Variants in DST observed in about 807,000 individuals in gnomAD.
The protein encoded by DST is dystonin.
In DST, 253 loss-of-function variants were observed where a neutral mutation model predicts 875.2. The observed-to-expected ratio is 0.29, with a 90% CI of 0.26 to 0.32. DST has a LOEUF of 0.32. Ranked by LOEUF, DST falls within the 10% of genes least tolerant of loss-of-function variation. The probability of loss-of-function intolerance (pLI) is 1.00; values close to 1 mark genes in which losing one functional copy is unlikely to be tolerated. For missense variants in DST, 8,287 were observed against 9,111.6 expected, an observed-to-expected ratio of 0.91 and a Z score of 3.68; for synonymous variants, 3,124 against 3,197.1, an observed-to-expected ratio of 0.98 and a Z score of 0.77.
chr6:56,821,234 A>G (rs574422826), intron 4 of DST, among the ~76,000 whole-genome samples: 1 of 152,332 alleles, frequency 6.6e-6, no homozygotes, highest in African/African-American at 2.4e-5. Flanking sequence ...CCAATTACTC[A>G]CTGCATGTCT....
chr6:56,846,537 C>G (rs147094153), intron 4 of DST, among the ~76,000 whole-genome samples: 1 of 152,208 alleles, frequency 6.6e-6, no homozygotes, highest in Admixed American at 6.5e-5. Flanking sequence ...AACAGCAGAT[C>G]TGTATTGCTC....
At chr6:56,842,951 CTGT>C in intron 4 of DST, 1 of 1,111,222 alleles carries the variant, frequency 9.0e-7, no homozygotes, top group Non-Finnish European at 1.2e-6. Flanking sequence ...GTCCAGACAC[CTGT>C]TTACTCGTGC....
chr6:56,805,767 A>G (rs4371846), intron 4 of DST, among the ~76,000 whole-genome samples: 25,347 of 152,206 alleles, frequency 0.17, 2,357 homozygotes, highest in Non-Finnish European at 0.19. Context: ...TGGGATACAC[A>G]CTTTGCCCAG....
intron 18 of DST, 39 bp from the exon 19 acceptor site, chr6:56,640,096 A>G (rs370049163): frequency 4.3e-6 from 7 of 1,613,802 alleles, no homozygotes; most frequent in South Asian, 1.1e-5. Flanking sequence ...AAAGAAATTG[A>G]TAACAATAAA....
intron 58 of DST, among the ~76,000 whole-genome samples, chr6:56,559,459 C>T (rs989044600): frequency 6.6e-6 from 1 of 152,066 alleles, no homozygotes; most frequent in Non-Finnish European, 1.5e-5. Flanking sequence ...CTACATTTAT[C>T]ATAGCATACC....
At position 56,716,902 on chromosome 6, in the gene DST, C is replaced by T. The variant is rs150881933; in HGVS notation, c.688-12533G>A. Among the ~76,000 whole-genome samples, 49 of 152,278 alleles carry T rather than the reference C, an allele frequency of 3.2e-4. 1 individual carries two copies. In the East Asian group the frequency reaches 9.5e-3, roughly 29 times the overall value. ...ATTCTTATAACAAGCATGCAACCGA[C>T]CGGGTGCGGTGGCTCACGCCTGTAA... On this transcript the variant is annotated intron_variant, in intron 5 of 103. Transcript: ENST00000680361.
Position 56,557,462 on chromosome 6 carries a change from C to G in DST, c.14497G>C (p.Glu4833Gln). 1 of 1,613,566 alleles carries G rather than the reference C, an allele frequency of 6.2e-7. No individual in the cohort carries two copies. The highest frequency in any genetic ancestry group is 8.5e-7 in the Non-Finnish European group (1 of 1,179,650). The change falls in exon 59 of 104, where the codon GAA (glutamate) becomes CAA (glutamine). Residue 4833 changes from glutamate (E) to glutamine (Q), a missense_variant. By Grantham distance (29) the Glu-to-Gln change is conservative. Around this residue, in one of 10 missense-constraint regions of DST, gnomAD observed 1,513 missense variants for 1,677.8 expected, o/e 0.90. Transcript: ENST00000680361. ...LTIDRQQKLEESSNNLTQFQT... is the reference protein window; with the variant it reads ...LTIDRQQKLEQSSNNLTQFQT... ...AACTGGGTTAGATTATTGGAGGATT[C>G]TTCCAGTTTTTGTTGTCTATCAATT...
At chr6:56,806,079 A>G (rs2099752623) in intron 4 of DST, among the ~76,000 whole-genome samples, 1 of 152,226 alleles carries the variant, frequency 6.6e-6, no homozygotes, top group African/African-American at 2.4e-5. Flanking sequence ...CTGAATTCAT[A>G]AGACTGAGAA....
intron 90 of DST, among the ~76,000 whole-genome samples, chr6:56,478,322 T>C (rs746538288): frequency 1.3e-5 from 2 of 152,074 alleles, no homozygotes; most frequent in Non-Finnish European, 2.9e-5. Context: ...AAAGTGTCTA[T>C]GCAGTAAAAA....
intron 4 of DST, chr6:56,842,940 G>T: frequency 9.8e-7 from 1 of 1,017,524 alleles, no homozygotes; most frequent in Non-Finnish European, 1.3e-6. Flanking sequence ...TCCCAAGACT[G>T]GTCCAGACAC....
chr6:56,921,783 C>T (rs926499114), intron 2 of DST, among the ~76,000 whole-genome samples: 5 of 151,952 alleles, frequency 3.3e-5, no homozygotes, highest in Admixed American at 1.3e-4. Context: ...GTGAAGACTA[C>T]CGGCAGAAAA....
intron 3 of DST, among the ~76,000 whole-genome samples, chr6:56,892,038 G>A (rs1447598325): frequency 2.6e-5 from 4 of 152,158 alleles, no homozygotes; most frequent in African/African-American, 4.8e-5. Flanking sequence ...CTGCTAGGCT[G>A]CCACAGCTAC....
rs772264796 is a variant in DST at position 56,630,343 on chromosome 6, C to T, written c.4183G>A (p.Ala1395Thr). ...VNLVLKNTQA[A>T]EALVKLYETK... ...TCATAGAGTTTTACGAGGGCTTCTG[C>T]AGCTTGAGTGTTTTTTAACACCAAG... Residue 1395 changes from alanine to threonine, a missense_variant, in exon 31 of 104, where the codon GCA (alanine) becomes ACA (threonine). Ala to Thr is a moderately conservative substitution (Grantham distance 58). Coordinates refer to ENST00000680361, the MANE Select transcript of DST (RefSeq NM_001374736.1). 5.6e-6 allele frequency: 9 copies of T among 1,612,810 alleles called. No homozygotes were observed. The East Asian group carries it at 2.0e-4, about 36-fold the overall frequency.
intron 4 of DST, among the ~76,000 whole-genome samples, chr6:56,799,576 A>AT (rs34768003): frequency 6.2e-4 from 89 of 144,528 alleles, no homozygotes; most frequent in Middle Eastern, 7.2e-3. Flanking sequence ...GACCTTCAGC[A>AT]TTTTTTTTTT....
Position 56,482,896 on chromosome 6 carries a change from G to A in DST, c.21208-19C>T. On this transcript the variant is annotated intron_variant, in intron 88 of 103. Transcript: ENST00000680361. ...GGAAGGCCTAAGAAGACCATATTTT[G>A]AAAAATTAATTTTAATTACAAAACC... is the stretch of plus-strand genomic sequence containing the variant. 1 of 1,458,702 alleles carries A rather than the reference G, an allele frequency of 6.9e-7. No individual in the cohort carries two copies. Among genetic ancestry groups the A allele is most frequent in the African/African-American group, 1.4e-5 (1 of 69,950 alleles). The allele number at this position is 1,458,702 out of a possible 1,614,324, so 90.4% of individuals were successfully genotyped here.
intron 55 of DST, among the ~76,000 whole-genome samples, chr6:56,566,141 G>T (rs1249806929): frequency 6.6e-6 from 1 of 152,194 alleles, no homozygotes; most frequent in Admixed American, 6.5e-5. Flanking sequence ...CTCCGTAGGG[G>T]TTGGATCTGC....
At chr6:56,941,814 G>A (rs1816759498) in intron 2 of DST, among the ~76,000 whole-genome samples, 1 of 152,164 alleles carries the variant, frequency 6.6e-6, no homozygotes, top group Non-Finnish European at 1.5e-5. Flanking sequence ...TATCAGTTAG[G>A]TCAAGATAGT....
At chr6:56,828,881 GA>G (rs2099783818) in intron 4 of DST, among the ~76,000 whole-genome samples, 1 of 152,120 alleles carries the variant, frequency 6.6e-6, no homozygotes. Context: ...TGTTAATGGG[GA>G]GGAGGGGAAG....
At chr6:56,739,245 C>T (rs763385471) in intron 4 of DST, among the ~76,000 whole-genome samples, 2 of 151,682 alleles carry the variant, frequency 1.3e-5, no homozygotes, top group Non-Finnish European at 2.9e-5. Flanking sequence ...TACATATATA[C>T]AGTAGTATAT....
Sources: gnomAD v4.1 joint callset for allele counts (sites outside exome capture counted in the v4.1 genomes callset) on GRCh38, gnomAD v4.1.1 for gene constraint, gnomAD v4.1.1 regional missense constraint, MANE v1.5 for transcripts, NCBI Gene and HGNC (gene_info 2026-07-23, HGNC 2026-07-21) for gene names.